The following EYS variants were observed in gnomAD, a reference collection of about 807,000 sequenced individuals.
EYS encodes the protein EGF-like photoreceptor maintenance factor.
A neutral mutation model predicts 282.1 loss-of-function variants in EYS; 250 were observed. The ratio of observed to expected loss-of-function variants is 0.89; its 90% CI spans 0.80 to 0.98. The LOEUF is 0.98. EYS is among the 50% of genes least tolerant of loss of function. EYS has a pLI of 0.00. For synonymous variants in EYS, 1,355 were observed against 1,282.9 expected (o/e 1.06, Z -1.20); for missense variants, 4,016 against 3,709.0 (o/e 1.08, Z -2.15).
intron 31 of EYS, among the ~76,000 whole-genome samples, chr6:64,121,528 GCC>G (rs1773589480): frequency 6.6e-6 from 1 of 152,252 alleles, no homozygotes; most frequent in Non-Finnish European, 1.5e-5. Flanking sequence ...TCATCTTGTG[GCC>G]TAATGGTAAA....
rs535669751 is a variant in EYS at position 63,720,542 on chromosome 6, C to CT, written c.*53dup. ...CGTAAGCAATGTATCAAAGAAATAA[C>CT]TATCAAAATAACTGCATTTATGTAT... On this transcript the variant is annotated 3_prime_UTR_variant, in exon 43 of 43. Coordinates refer to ENST00000503581, the MANE Select transcript of EYS (RefSeq NM_001142800.2). 586 of 1,284,086 alleles carry CT rather than the reference C, an allele frequency of 4.6e-4. 6 individuals carry two copies. In the South Asian group the frequency reaches 9.1e-3, roughly 20 times the overall value. 79.5% of individuals were successfully genotyped at this position (1,284,086 alleles called of 1,614,324 possible).
chr6:65,330,030 G>A (rs1164428793), intron 11 of EYS: 1 of 984,264 alleles, frequency 1.0e-6, no homozygotes, highest in African/African-American at 1.8e-5. Context: ...CTTCCAGAAA[G>A]AAAGCCAGAA....
At chr6:64,908,308 C>T (rs1459518281) in intron 16 of EYS, among the ~76,000 whole-genome samples, 6 of 152,074 alleles carry the variant, frequency 3.9e-5, no homozygotes, top group Non-Finnish European at 5.9e-5. Flanking sequence ...GTTGCCTTGG[C>T]GGGAACATGG....
At chr6:64,824,274 A>C (rs1478516145) in intron 19 of EYS, among the ~76,000 whole-genome samples, 1 of 151,946 alleles carries the variant, frequency 6.6e-6, no homozygotes, top group Non-Finnish European at 1.5e-5. Flanking sequence ...CAGAAATGGA[A>C]TGGGAAAGAA....
intron 14 of EYS, among the ~76,000 whole-genome samples, chr6:64,968,780 C>G (rs2150109965): frequency 6.6e-6 from 1 of 152,290 alleles, no homozygotes; most frequent in South Asian, 2.1e-4. Context: ...TTAGCCCCAG[C>G]TTCCCAGACT....
intron 19 of EYS, among the ~76,000 whole-genome samples, chr6:64,844,578 A>T (rs1419850712): frequency 5.9e-5 from 9 of 151,874 alleles, no homozygotes; most frequent in Admixed American, 5.9e-4. Context: ...CCCTTCTTTC[A>T]CCTACTAGTT....
intron 41 of EYS, chr6:63,741,801 T>G (rs1188412281): frequency 1.6e-6 from 1 of 626,166 alleles, no homozygotes; most frequent in African/African-American, 1.8e-5. Flanking sequence ...TTTCACCTAA[T>G]TCTAAGCTCC....
At chr6:63,744,394 C>T (rs150090891) in intron 41 of EYS, 258 of 152,206 alleles carry the variant, frequency 1.7e-3, no homozygotes, top group African/African-American at 5.0e-3. Context: ...TTTTCTTTAT[C>T]AGTGTCCCTT....
intron 8 of EYS, among the ~76,000 whole-genome samples, chr6:65,373,375 C>T (rs1222702369): frequency 6.6e-6 from 1 of 152,066 alleles, no homozygotes; most frequent in Non-Finnish European, 1.5e-5. Context: ...TCAAATACCA[C>T]ATCACCTTTT....
At chr6:65,504,212 CA>C (rs77754448) in intron 2 of EYS, among the ~76,000 whole-genome samples, 26,364 of 151,462 alleles carry the variant, frequency 0.17, 2,856 homozygotes, top group East Asian at 0.27. Flanking sequence ...GATACTATTA[CA>C]AATGGTATTA....
chr6:65,058,371 G>A (rs1342893967), intron 12 of EYS, among the ~76,000 whole-genome samples: 2 of 152,048 alleles, frequency 1.3e-5, no homozygotes, highest in Non-Finnish European at 2.9e-5. Context: ...GGCTGTTCTC[G>A]AAATCCTGAC....
chr6:64,681,711 G>A (rs542684543), intron 22 of EYS, among the ~76,000 whole-genome samples: 22 of 152,260 alleles, frequency 1.4e-4, no homozygotes, highest in Non-Finnish European at 1.9e-4. Context: ...AAACAGGAGA[G>A]ACCGACAAGG....
intron 7 of EYS, among the ~76,000 whole-genome samples, chr6:65,391,521 C>G (rs558939126): frequency 1.8e-3 from 279 of 152,134 alleles, no homozygotes; most frequent in Non-Finnish European, 2.8e-3. Context: ...TCTTATACAC[C>G]AACAACAGGC....
At chr6:63,879,069 G>A (rs149364474) in intron 35 of EYS, among the ~76,000 whole-genome samples, 1 of 152,232 alleles carries the variant, frequency 6.6e-6, no homozygotes, top group Admixed American at 6.5e-5. Flanking sequence ...GACTGGAGCT[G>A]TTCCTATTTG....
intron 31 of EYS, among the ~76,000 whole-genome samples, chr6:64,126,905 A>C (rs896875689): frequency 5.9e-5 from 9 of 152,076 alleles, no homozygotes; most frequent in Admixed American, 2.6e-4. Flanking sequence ...TGTCTGATCT[A>C]TTCCAGGTGC....
At chr6:65,689,734 G>A (rs1769170830) in intron 1 of EYS, among the ~76,000 whole-genome samples, 1 of 149,782 alleles carries the variant, frequency 6.7e-6, no homozygotes, top group Non-Finnish European at 1.5e-5. Flanking sequence ...TACATGTGCA[G>A]AATGTGCAGA....
chr6:63,915,054 G>A (rs996290440), intron 35 of EYS, among the ~76,000 whole-genome samples: 3 of 152,146 alleles, frequency 2.0e-5, no homozygotes, highest in African/African-American at 7.2e-5. Context: ...CTAAACAATA[G>A]ATTTTTAAAT....
intron 35 of EYS, among the ~76,000 whole-genome samples, chr6:63,953,567 C>T (rs184836197): frequency 5.3e-5 from 8 of 152,334 alleles, no homozygotes; most frequent in East Asian, 1.9e-4. Context: ...AACAACAACT[C>T]CTTTCCTTCC....
intron 26 of EYS, among the ~76,000 whole-genome samples, chr6:64,527,459 A>G (rs1777960764): frequency 6.6e-6 from 1 of 151,848 alleles, no homozygotes; most frequent in Non-Finnish European, 1.5e-5. Context: ...GTAGGATTTC[A>G]GAGGCATTCT....
Sources: allele counts gnomAD v4.1 joint callset (sites outside exome capture counted in the v4.1 genomes callset), GRCh38; gene constraint gnomAD v4.1.1; transcripts MANE v1.5; gene names NCBI Gene and HGNC (gene_info 2026-07-23, HGNC 2026-07-21).